Variants in CNTNAP5 observed in about 807,000 individuals in gnomAD.
The protein encoded by CNTNAP5 is contactin associated protein family member 5.
CNTNAP5 carries 72 observed loss-of-function variants against 150.2 expected under a neutral mutation model. The ratio of observed to expected loss-of-function variants is 0.48; its 90% CI spans 0.40 to 0.58. The LOEUF (loss-of-function observed/expected upper bound fraction) is 0.58, where lower values mean the gene tolerates loss of function less well. Among genes scored for constraint, CNTNAP5 ranks in the 20% least tolerant of loss-of-function variants. The probability of loss-of-function intolerance (pLI) is 0.00; values close to 1 mark genes in which losing one functional copy is unlikely to be tolerated. For synonymous variants in CNTNAP5, 672 were observed against 619.8 expected, an observed-to-expected ratio of 1.08 and a Z score of -1.25; for missense variants, 1,636 against 1,626.2, an observed-to-expected ratio of 1.01 and a Z score of -0.10.
At chr2:124,328,867 G>T (rs1238283331) in intron 3 of CNTNAP5, among the ~76,000 whole-genome samples, 2 of 152,106 alleles carry the variant, frequency 1.3e-5, no homozygotes, top group African/African-American at 4.8e-5. Flanking sequence ...CCGCCAGAAG[G>T]TTCACTGAAA....
At chr2:124,053,475 T>C (rs1681762446) in intron 1 of CNTNAP5, among the ~76,000 whole-genome samples, 2 of 152,170 alleles carry the variant, frequency 1.3e-5, no homozygotes, top group African/African-American at 4.8e-5. Context: ...ATGAGAGACA[T>C]GAGGCCCCAT....
In CNTNAP5 at chr2:124,680,796, C is replaced by A. The variant is rs373485275; in HGVS notation, c.2077+32838C>A. 7.2e-5 allele frequency: 11 copies of A among 151,828 alleles called. 1 individual carries two copies. Among genetic ancestry groups the A allele is most frequent in the African/African-American group, 2.2e-4 (9 of 41,492 alleles). The allele number at this position is 151,828 out of a possible 1,614,324, so 9.4% of individuals were successfully genotyped here. ...GTAAGGATGATGCTAATGATGAAAGCGCATGCAATATATATTTTTACATAA... is the reference window on the plus strand; with the variant it reads ...GTAAGGATGATGCTAATGATGAAAGAGCATGCAATATATATTTTTACATAA... On this transcript the variant is annotated intron_variant, in intron 13 of 23. Transcript: ENST00000682447.
Position 124,459,169 on chromosome 2 carries a change from C to A in CNTNAP5, c.918+12232C>A, listed in dbSNP as rs573678212. Among the ~76,000 whole-genome samples, 3 of 152,316 alleles carry A rather than the reference C, an allele frequency of 2.0e-5. No homozygotes were observed. In the South Asian group the frequency reaches 6.2e-4, roughly 32 times the overall value. On this transcript the variant is annotated intron_variant, in intron 6 of 23. Coordinates refer to ENST00000682447, the MANE Select transcript of CNTNAP5 (RefSeq NM_001367498.1). Reference sequence around the variant, plus strand: ...ATTTGATTAAAAATTGCGGTCAGCCCTGCATGGGAACAGCTTTGCTCACGG... The same window carrying A: ...ATTTGATTAAAAATTGCGGTCAGCCATGCATGGGAACAGCTTTGCTCACGG...
In CNTNAP5 at chr2:124,057,279, T is replaced by C. The variant is rs546399737; in HGVS notation, c.82+31547T>C. The stretch of plus-strand genomic sequence containing the variant: ...CCCCTACATCGAATAAATTAACAAG[T>C]CCATTTTTTTTTTTTTTTTTGAGGT... On this transcript the variant is annotated intron_variant, in intron 1 of 23. Transcript: ENST00000682447. Among the ~76,000 whole-genome samples the C allele has an allele frequency of 5.7e-3, 612 of 107,992 alleles. 7 individuals are homozygous for C. The highest frequency in any genetic ancestry group is 0.019 in the African/African-American group (592 of 31,470). The allele number at this position is 107,992 out of a possible 152,430, so 70.8% of individuals were successfully genotyped here.
At chr2:124,419,970 CTCTTTCTT>C (rs1553466667) in intron 4 of CNTNAP5, among the ~76,000 whole-genome samples, 2 of 62,538 alleles carry the variant, frequency 3.2e-5, no homozygotes, top group East Asian at 5.5e-4. Flanking sequence ...TTCTCTCTCT[CTCTTTCTT>C]TCTTTCTTTC....
chr2:124,870,352 C>T (rs1268909984), intron 21 of CNTNAP5, among the ~76,000 whole-genome samples: 3 of 151,956 alleles, frequency 2.0e-5, no homozygotes, highest in Non-Finnish European at 4.4e-5. Flanking sequence ...ATGCCTATTA[C>T]AACTTTGCTT....
chr2:124,733,827 A>C (rs1485192944), intron 13 of CNTNAP5, among the ~76,000 whole-genome samples: 1 of 152,198 alleles, frequency 6.6e-6, no homozygotes, highest in Non-Finnish European at 1.5e-5. Flanking sequence ...GTGAGCCCAC[A>C]CTGCAGATTT....
chr2:124,076,778 T>C (rs1009285501), intron 1 of CNTNAP5, among the ~76,000 whole-genome samples: 4 of 152,144 alleles, frequency 2.6e-5, no homozygotes, highest in African/African-American at 9.7e-5. Context: ...GAGAAGACAG[T>C]GGTCAAATTG....
At position 124,504,384 on chromosome 2, in the gene CNTNAP5, C is replaced by G. The variant is rs967697335; in HGVS notation, c.1155C>G (p.Pro385=). ...SGSYLLLPGT[P]QIDGLSVSFQ... is the part of the protein sequence containing the mutation. Reference sequence around the variant, plus strand: ...GCTATTTGCTGCTGCCCGGCACCCCCCAAATTGATGGGCTCTCAGTGAGTT... The same window carrying G: ...GCTATTTGCTGCTGCCCGGCACCCCGCAAATTGATGGGCTCTCAGTGAGTT... Residue 385 remains proline, a synonymous_variant, in exon 8 of 24, where the codon CCC becomes CCG. Coordinates refer to ENST00000682447, the MANE Select transcript of CNTNAP5 (RefSeq NM_001367498.1). 1 of 1,613,970 alleles carries G rather than the reference C, an allele frequency of 6.2e-7. No homozygotes were observed. The highest frequency in any genetic ancestry group is 8.5e-7 in the Non-Finnish European group (1 of 1,179,866).
intron 3 of CNTNAP5, among the ~76,000 whole-genome samples, chr2:124,314,238 T>C (rs1688904188): frequency 6.6e-6 from 1 of 152,188 alleles, no homozygotes; most frequent in Non-Finnish European, 1.5e-5. Context: ...GAGACTTCTG[T>C]CTGCATTCTA....
chr2:124,299,934 A>G (rs1169190942), intron 3 of CNTNAP5, among the ~76,000 whole-genome samples: 1 of 152,178 alleles, frequency 6.6e-6, no homozygotes. Flanking sequence ...TAGTTAATAC[A>G]CACCACTCTT....
intron 3 of CNTNAP5, among the ~76,000 whole-genome samples, chr2:124,373,703 GTTATA>G (rs1328333187): frequency 1.3e-5 from 2 of 151,954 alleles, no homozygotes; most frequent in Admixed American, 6.6e-5. Flanking sequence ...TGTATTTTCA[GTTATA>G]TTATGAGCAA....
At chr2:124,585,567 A>AT (rs1334264709) in intron 11 of CNTNAP5, among the ~76,000 whole-genome samples, 2 of 152,068 alleles carry the variant, frequency 1.3e-5, no homozygotes, top group Non-Finnish European at 2.9e-5. Flanking sequence ...GGAAGAAAAA[A>AT]CAATTGTTCT....
At chr2:124,262,226 C>T (rs1003069610) in intron 3 of CNTNAP5, among the ~76,000 whole-genome samples, 1 of 152,088 alleles carries the variant, frequency 6.6e-6, no homozygotes, top group African/African-American at 2.4e-5. Context: ...ATTTGGGCCA[C>T]AGACTGGGAC....
chr2:124,500,590 C>T (rs918810355), intron 7 of CNTNAP5, among the ~76,000 whole-genome samples: 8 of 152,034 alleles, frequency 5.3e-5, no homozygotes, highest in African/African-American at 1.9e-4. Flanking sequence ...CTTGCTAAAA[C>T]TGGAAAAAAC....
chr2:124,307,465 A>G (rs146422820), intron 3 of CNTNAP5, among the ~76,000 whole-genome samples: 12 of 152,222 alleles, frequency 7.9e-5, no homozygotes, highest in Admixed American at 1.3e-4. Flanking sequence ...AATCACCTAC[A>G]TTTGCTTCTC....
chr2:124,538,559 AG>A (rs1416496305), intron 10 of CNTNAP5, among the ~76,000 whole-genome samples: 1 of 151,610 alleles, frequency 6.6e-6, no homozygotes, highest in Non-Finnish European at 1.5e-5. Flanking sequence ...AGAGAAAGAA[AG>A]AAAAGAAAGA....
At chr2:124,686,371 G>T (rs1679193553) in intron 13 of CNTNAP5, among the ~76,000 whole-genome samples, 1 of 152,154 alleles carries the variant, frequency 6.6e-6, no homozygotes, top group African/African-American at 2.4e-5. Context: ...AATTCTGGAA[G>T]CAAATTAGTC....
chr2:124,441,164 G>A (rs1193027860), intron 5 of CNTNAP5, among the ~76,000 whole-genome samples: 2 of 151,952 alleles, frequency 1.3e-5, no homozygotes, highest in African/African-American at 4.8e-5. Flanking sequence ...TGTTGGTATA[G>A]CATAACTAAT....
Sources: allele counts gnomAD v4.1 joint callset (sites outside exome capture counted in the v4.1 genomes callset), GRCh38; gene constraint gnomAD v4.1.1; transcripts MANE v1.5; gene names NCBI Gene and HGNC (gene_info 2026-07-23, HGNC 2026-07-21).